The following NELL1 variants were observed in gnomAD, a reference collection of about 807,000 sequenced individuals.
NELL1 encodes the protein neural EGFL like 1.
Under a neutral mutation model 107.4 loss-of-function variants are expected in NELL1, and 76 were observed. The ratio of observed to expected loss-of-function variants is 0.71; its 90% CI spans 0.59 to 0.86. The LOEUF (loss-of-function observed/expected upper bound fraction) is 0.86. Among genes scored for constraint, NELL1 ranks in the 40% least tolerant of loss-of-function variants. The probability of loss-of-function intolerance (pLI) is 0.00; values close to 1 mark genes in which losing one functional copy is unlikely to be tolerated. For missense variants in NELL1, 1,024 were observed against 1,005.5 expected (o/e 1.02, Z -0.25); for synonymous variants, 353 against 341.2 (o/e 1.03, Z -0.38).
At chr11:20,812,790 C>T (rs1051027730) in intron 3 of NELL1, among the ~76,000 whole-genome samples, 4 of 151,524 alleles carry the variant, frequency 2.6e-5, no homozygotes, top group East Asian at 1.9e-4. Context: ...GGGCGGATCA[C>T]GAGGTCAGGA....
At chr11:21,202,073 T>G (rs1202126718) in intron 13 of NELL1, among the ~76,000 whole-genome samples, 1 of 152,232 alleles carries the variant, frequency 6.6e-6, no homozygotes, top group Non-Finnish European at 1.5e-5. Flanking sequence ...GTCAGAGATA[T>G]TGGCCTGAAA....
rs913595154 is a variant in NELL1, at chr11:21,123,739, G to A, written c.1426+10025G>A. Among the ~76,000 whole-genome samples, 4 of 152,134 alleles carry A rather than the reference G, an allele frequency of 2.6e-5. 1 individual carries two copies. In the South Asian group the frequency reaches 8.3e-4, roughly 32 times the overall value. The stretch of plus-strand genomic sequence containing the variant: ...TCAGTCACAATTATTTATGTAAGAA[G>A]ACTTTCATTGTGGCCATTTATTCCA... On this transcript the variant is annotated intron_variant, in intron 13 of 19. Transcript: ENST00000357134.
intron 14 of NELL1, 88 bp downstream of exon 14, chr11:21,229,542 T>C (rs894778013): frequency 5.1e-6 from 8 of 1,556,016 alleles, no homozygotes; most frequent in African/African-American, 4.1e-5. Flanking sequence ...TGGTAACTCT[T>C]GGTGGAACAC....
intron 14 of NELL1, among the ~76,000 whole-genome samples, chr11:21,237,932 T>C (rs920102807): frequency 6.6e-6 from 1 of 152,042 alleles, no homozygotes; most frequent in Admixed American, 6.6e-5. Context: ...AAATACCATC[T>C]ATATGCTAAT....
intron 1 of NELL1, among the ~76,000 whole-genome samples, chr11:20,675,450 A>G (rs916844086): frequency 2.0e-5 from 3 of 152,174 alleles, no homozygotes; most frequent in Non-Finnish European, 4.4e-5. Context: ...TTGATCATGC[A>G]TCAACTCATT....
intron 14 of NELL1, among the ~76,000 whole-genome samples, chr11:21,294,861 A>G (rs1336713908): frequency 6.6e-6 from 1 of 152,116 alleles, no homozygotes; most frequent in Non-Finnish European, 1.5e-5. Context: ...TGAAAAAAAT[A>G]CTATAGACTC....
chr11:21,472,650 C>A (rs1854211896), intron 15 of NELL1, among the ~76,000 whole-genome samples: 1 of 151,934 alleles, frequency 6.6e-6, no homozygotes. Context: ...AATTAGGGAG[C>A]AATTCCTAGA....
chr11:21,240,486 A>G (rs11025990), intron 14 of NELL1, among the ~76,000 whole-genome samples: 85,561 of 151,714 alleles, frequency 0.56, 25,212 homozygotes, highest in South Asian at 0.65. Context: ...TTTTCTTTGA[A>G]AAATATGTCT....
At position 21,002,277 on chromosome 11, in the gene NELL1, G is replaced by A. The variant is rs577507658; in HGVS notation, c.1300+41717G>A. Among the ~76,000 whole-genome samples, 11 of 61,836 alleles carry A rather than the reference G, an allele frequency of 1.8e-4. No homozygotes were observed. In the South Asian group the frequency reaches 5.9e-3, roughly 33 times the overall value. 40.6% of individuals were successfully genotyped at this position (61,836 alleles called of 152,430 possible). A position where few individuals can be genotyped will look rare whatever the true frequency, so the allele number is the denominator to read the frequency against. On this transcript the variant is annotated intron_variant, in intron 12 of 19. Coordinates refer to ENST00000357134, the MANE Select transcript of NELL1 (RefSeq NM_006157.5). ...TAGACTAGAAGAATATCAAAGCTGA[G>A]CAAGAATATATTATAACAGTTACCT... is the stretch of plus-strand genomic sequence containing the variant.
chr11:21,350,452 T>C (rs943093752), intron 14 of NELL1, among the ~76,000 whole-genome samples: 2 of 152,186 alleles, frequency 1.3e-5, no homozygotes, highest in Admixed American at 1.3e-4. Flanking sequence ...AAAACTTCAT[T>C]GCCCAATGCA....
At chr11:21,215,748 A>G (rs1456961968) in intron 13 of NELL1, among the ~76,000 whole-genome samples, 2 of 152,164 alleles carry the variant, frequency 1.3e-5, no homozygotes, top group African/African-American at 4.8e-5. Flanking sequence ...GAGAGAGATG[A>G]TTTAGGGTGA....
At chr11:21,485,453 C>A (rs1241048013) in intron 15 of NELL1, among the ~76,000 whole-genome samples, 1 of 151,800 alleles carries the variant, frequency 6.6e-6, no homozygotes, top group African/African-American at 2.4e-5. Context: ...AGTTCACAGC[C>A]CTTAGAGGAC....
chr11:21,451,203 GAAAA>G (rs1235279037), intron 15 of NELL1, among the ~76,000 whole-genome samples: 7 of 113,908 alleles, frequency 6.1e-5, no homozygotes, highest in South Asian at 2.8e-4. Context: ...AAAAAAAAAA[GAAAA>G]AAAAAAGAAA....
chr11:21,345,953 A>T (rs1850674696), intron 14 of NELL1, among the ~76,000 whole-genome samples: 1 of 152,202 alleles, frequency 6.6e-6, no homozygotes, highest in Admixed American at 6.5e-5. Context: ...AGCACTTTAG[A>T]TTCCACCAAT....
At chr11:21,452,960 TG>T (rs1273794716) in intron 15 of NELL1, among the ~76,000 whole-genome samples, 2 of 151,948 alleles carry the variant, frequency 1.3e-5, no homozygotes, top group African/African-American at 2.4e-5. Flanking sequence ...TCTTAATATT[TG>T]GAAATATTCC....
chr11:20,993,398 T>C (rs563169943), intron 12 of NELL1, among the ~76,000 whole-genome samples: 2 of 152,314 alleles, frequency 1.3e-5, no homozygotes, highest in South Asian at 4.1e-4. Flanking sequence ...GTGGTAAATT[T>C]GATGGTAAGG....
chr11:20,714,723 A>G (rs891016060), intron 2 of NELL1, among the ~76,000 whole-genome samples: 2 of 152,020 alleles, frequency 1.3e-5, no homozygotes, highest in African/African-American at 4.8e-5. Flanking sequence ...AATTAATGTT[A>G]TTATTAAGAG....
intron 14 of NELL1, among the ~76,000 whole-genome samples, chr11:21,294,237 T>G (rs1049797568): frequency 2.0e-5 from 3 of 152,132 alleles, no homozygotes; most frequent in African/African-American, 4.8e-5. Context: ...CCCCATAGTG[T>G]ACCCTTTGTT....
chr11:21,407,136 C>A (rs555985504), intron 15 of NELL1, among the ~76,000 whole-genome samples: 1 of 152,110 alleles, frequency 6.6e-6, no homozygotes, highest in East Asian at 2.0e-4. Context: ...ATCTTTCTGG[C>A]AGGTCATGGT....
Sources: gnomAD v4.1 joint callset for allele counts (sites outside exome capture counted in the v4.1 genomes callset) on GRCh38, gnomAD v4.1.1 for gene constraint, MANE v1.5 for transcripts, NCBI Gene and HGNC (gene_info 2026-07-23, HGNC 2026-07-21) for gene names.